The following PTPRD variants were observed in gnomAD, a reference collection of about 807,000 sequenced individuals.
The protein encoded by PTPRD is protein tyrosine phosphatase receptor type D.
A neutral mutation model predicts 214.5 loss-of-function variants in PTPRD; 34 were observed. The ratio of observed to expected loss-of-function variants is 0.16; its 90% CI spans 0.12 to 0.21. The LOEUF (loss-of-function observed/expected upper bound fraction) is 0.21, where lower values mean the gene tolerates loss of function less well. Ranked by LOEUF, PTPRD falls within the 10% of genes least tolerant of loss-of-function variation. PTPRD has a pLI of 1.00. For missense variants in PTPRD, 2,545 were observed against 2,398.7 expected, an observed-to-expected ratio of 1.06 and a Z score of -1.27; for synonymous variants, 1,128 against 845.7, an observed-to-expected ratio of 1.33 and a Z score of -5.79.
At chr9:9,815,974 T>C (rs1166799865) in intron 5 of PTPRD, among the ~76,000 whole-genome samples, 1 of 152,264 alleles carries the variant, frequency 6.6e-6, no homozygotes, top group East Asian at 1.9e-4. Context: ...AGTGTGGAGA[T>C]TTATTGCAAA....
chr9:10,093,642 C>G (rs2098454649), intron 3 of PTPRD, among the ~76,000 whole-genome samples: 1 of 151,466 alleles, frequency 6.6e-6, no homozygotes, highest in Non-Finnish European at 1.5e-5. Context: ...CATATGTATT[C>G]ATAAGTTCAT....
intron 8 of PTPRD, among the ~76,000 whole-genome samples, chr9:9,530,765 T>A (rs2075288075): frequency 6.6e-6 from 1 of 152,104 alleles, no homozygotes; most frequent in African/African-American, 2.4e-5. Context: ...TGATATTAAG[T>A]GAAATAATCC....
chr9:9,093,631 T>G (rs1260212004), intron 10 of PTPRD, among the ~76,000 whole-genome samples: 1 of 151,136 alleles, frequency 6.6e-6, no homozygotes, highest in African/African-American at 2.4e-5. Flanking sequence ...GCATTTTTAA[T>G]TTTATAAAAT....
chr9:8,626,216 C>G (rs2096028400), intron 14 of PTPRD, among the ~76,000 whole-genome samples: 3 of 151,816 alleles, frequency 2.0e-5, no homozygotes, highest in African/African-American at 4.8e-5. Flanking sequence ...AACCAACTAC[C>G]TAGTTTTAAA....
intron 10 of PTPRD, among the ~76,000 whole-genome samples, chr9:9,104,744 C>G (rs530283519): frequency 2.6e-4 from 39 of 152,264 alleles, no homozygotes; most frequent in African/African-American, 8.9e-4. Flanking sequence ...CATTCATCCA[C>G]CTAGTCATTT....
chr9:10,108,716 A>C (rs2098660431), intron 3 of PTPRD, among the ~76,000 whole-genome samples: 1 of 152,108 alleles, frequency 6.6e-6, no homozygotes, highest in South Asian at 2.1e-4. Context: ...GAATCAACTT[A>C]AGTGTATATC....
chr9:9,493,604 C>T (rs1256492684), intron 8 of PTPRD, among the ~76,000 whole-genome samples: 2 of 151,728 alleles, frequency 1.3e-5, no homozygotes, highest in South Asian at 2.1e-4. Context: ...CTGGCTAACA[C>T]GGTGAAACCC....
chr9:9,861,280 TA>T (rs2062707881), intron 5 of PTPRD, among the ~76,000 whole-genome samples: 1 of 152,080 alleles, frequency 6.6e-6, no homozygotes, highest in African/African-American at 2.4e-5. Context: ...TATTTTATTT[TA>T]TTTTTTTGTT....
In PTPRD at chr9:9,263,617, C is replaced by T. The variant is rs547695264; in HGVS notation, c.-202-80254G>A. 7.9e-5 allele frequency among the ~76,000 whole-genome samples: 12 copies of T among 151,712 alleles called. No individual in the cohort carries two copies. The East Asian group carries it at 1.4e-3, about 17-fold the overall frequency. On this transcript the variant is annotated intron_variant, in intron 9 of 45. Transcript: ENST00000381196. ...AATTTTCCCTGAATTAATTAATATG[C>T]CCTTCCTTTCAAATGATGTTCATTT...
chr9:9,110,642 C>A (rs2099804748), intron 10 of PTPRD, among the ~76,000 whole-genome samples: 1 of 152,040 alleles, frequency 6.6e-6, no homozygotes, highest in African/African-American at 2.4e-5. Context: ...CAAATAAAAT[C>A]TCCAAATTAT....
At chr9:10,355,513 T>C (rs2097260557) in intron 2 of PTPRD, among the ~76,000 whole-genome samples, 1 of 151,284 alleles carries the variant, frequency 6.6e-6, no homozygotes, top group Admixed American at 6.6e-5. Context: ...AGTCTCACTC[T>C]TATTGCCTAG....
chr9:9,825,657 T>A (rs1010747515), intron 5 of PTPRD, among the ~76,000 whole-genome samples: 2 of 151,938 alleles, frequency 1.3e-5, no homozygotes, highest in African/African-American at 4.8e-5. Flanking sequence ...CAGGGAAAAC[T>A]TAAAGAAACG....
At chr9:9,704,658 C>G (rs1384575889) in intron 7 of PTPRD, among the ~76,000 whole-genome samples, 1 of 152,160 alleles carries the variant, frequency 6.6e-6, no homozygotes, top group Non-Finnish European at 1.5e-5. Context: ...GCCCAGGACT[C>G]TTAGAATATT....
chr9:10,284,670 G>T (rs1018020493), intron 3 of PTPRD, among the ~76,000 whole-genome samples: 12 of 152,134 alleles, frequency 7.9e-5, no homozygotes, highest in Admixed American at 6.5e-4. Flanking sequence ...TGTTGGCTAG[G>T]CTTAGTCTCT....
chr9:10,527,056 A>G (rs552922586), intron 2 of PTPRD, among the ~76,000 whole-genome samples: 7 of 152,274 alleles, frequency 4.6e-5, no homozygotes, highest in Admixed American at 3.9e-4. Flanking sequence ...CTATTTACTT[A>G]AGATAGCTCT....
chr9:9,619,569 T>C (rs1161992522), intron 7 of PTPRD, among the ~76,000 whole-genome samples: 1 of 146,344 alleles, frequency 6.8e-6, no homozygotes, highest in African/African-American at 2.5e-5. Context: ...CTAATATGTC[T>C]AGATTAATAT....
chr9:9,689,473 CTTT>C (rs1564558273), intron 7 of PTPRD, among the ~76,000 whole-genome samples: 1 of 151,530 alleles, frequency 6.6e-6, no homozygotes, highest in Non-Finnish European at 1.5e-5. Context: ...AAATATTTAT[CTTT>C]TATTTATGTT....
At chr9:9,368,121 T>G (rs938873583) in intron 9 of PTPRD, among the ~76,000 whole-genome samples, 2 of 151,804 alleles carry the variant, frequency 1.3e-5, no homozygotes, top group African/African-American at 4.8e-5. Flanking sequence ...CCAAATTTGA[T>G]TTTAAGTATG....
chr9:9,817,295 A>G (rs1417423216), intron 5 of PTPRD, among the ~76,000 whole-genome samples: 1 of 152,206 alleles, frequency 6.6e-6, no homozygotes, highest in Non-Finnish European at 1.5e-5. Flanking sequence ...TGCCTCAATG[A>G]ACTCTGATTT....
Sources: gnomAD v4.1 joint callset for allele counts (sites outside exome capture counted in the v4.1 genomes callset) on GRCh38, gnomAD v4.1.1 for gene constraint, MANE v1.5 for transcripts, NCBI Gene and HGNC (gene_info 2026-07-23, HGNC 2026-07-21) for gene names.